Variants in GNAT3 observed in about 807,000 individuals in gnomAD.
GNAT3 encodes the protein guanine nucleotide-binding protein G(t) subunit alpha-3.
GNAT3 carries 31 observed loss-of-function variants against 37.7 expected under a neutral mutation model. The observed-to-expected ratio is 0.82, with a 90% CI of 0.62 to 1.11. The LOEUF is 1.11. GNAT3 is among the 50% of genes most tolerant of loss of function. The pLI is 0.00. For missense variants in GNAT3, 437 were observed against 412.5 expected (o/e 1.06, Z -0.51); for synonymous variants, 138 against 139.8 (o/e 0.99, Z 0.09).
intron 3 of GNAT3, among the ~76,000 whole-genome samples, chr7:80,484,553 T>C (rs537510116): frequency 6.6e-6 from 1 of 152,238 alleles, no homozygotes; most frequent in Admixed American, 6.5e-5. Context: ...AGTGTTACAA[T>C]TTTCAGCATT....
chr7:80,507,304 C>A (rs1191128561), intron 1 of GNAT3, among the ~76,000 whole-genome samples: 2 of 151,652 alleles, frequency 1.3e-5, no homozygotes, highest in East Asian at 3.9e-4. Context: ...TGGAATCTCT[C>A]CCACTCATAT....
intron 2 of GNAT3, among the ~76,000 whole-genome samples, chr7:80,492,049 A>T (rs1161771768): frequency 1.3e-5 from 2 of 151,920 alleles, no homozygotes; most frequent in Admixed American, 1.3e-4. Flanking sequence ...ATGTTCATGC[A>T]CCGGGCACAG....
intron 5 of GNAT3, among the ~76,000 whole-genome samples, chr7:80,465,950 G>A (rs1451678700): frequency 6.6e-6 from 1 of 152,068 alleles, no homozygotes; most frequent in African/African-American, 2.4e-5. Flanking sequence ...GGGGACCTGA[G>A]GGTAGAGTAT....
At chr7:80,495,910 T>TC (rs2116210611) in intron 1 of GNAT3, among the ~76,000 whole-genome samples, 1 of 152,350 alleles carries the variant, frequency 6.6e-6, no homozygotes, top group African/African-American at 2.4e-5. Context: ...TTTGCTTTTT[T>TC]CTCGTTGAGT....
chr7:80,494,157 A>T (rs1790668612), intron 2 of GNAT3, among the ~76,000 whole-genome samples: 1 of 152,186 alleles, frequency 6.6e-6, no homozygotes, highest in South Asian at 2.1e-4. Context: ...AAAAAGGAAA[A>T]AGTAGAGAAA....
chr7:80,497,515 A>G (rs1382039033), intron 1 of GNAT3, among the ~76,000 whole-genome samples: 1 of 151,252 alleles, frequency 6.6e-6, no homozygotes, highest in Non-Finnish European at 1.5e-5. Context: ...GAATATCAGA[A>G]TATCTTGTTT....
chr7:80,505,513 C>T (rs370169019), intron 1 of GNAT3, among the ~76,000 whole-genome samples: 3 of 152,198 alleles, frequency 2.0e-5, no homozygotes, highest in African/African-American at 7.2e-5. Context: ...ACTACAGGCG[C>T]CCGCCAACAC....
rs542245366 is a variant in GNAT3, at chr7:80,480,354, C to T, written c.304-1356G>A. Among the ~76,000 whole-genome samples, 16 of 152,184 alleles carry T rather than the reference C, an allele frequency of 1.1e-4. No individual in the cohort carries two copies. The South Asian group carries it at 1.5e-3, about 14-fold the overall frequency. ...AATCTAAAACTCAGAGTTTTAGAAA[C>T]GAGTAAACCAGTAAATACAATAAGT... On this transcript the variant is annotated intron_variant, in intron 3 of 7. Transcript: ENST00000398291.
chr7:80,469,710 A>G, intron 5 of GNAT3, among the ~76,000 whole-genome samples: 1 of 152,124 alleles, frequency 6.6e-6, no homozygotes, highest in South Asian at 2.1e-4. Context: ...ATACAAATCA[A>G]TGCTAATGTA....
chr7:80,495,453 GTTT>G (rs577094301), intron 1 of GNAT3, among the ~76,000 whole-genome samples: 10 of 142,666 alleles, frequency 7.0e-5, no homozygotes, highest in African/African-American at 2.6e-4. Flanking sequence ...TCTCACTGTA[GTTT>G]TTTTTTTTGG....
At chr7:80,473,082 G>A (rs576600342) in intron 5 of GNAT3, among the ~76,000 whole-genome samples, 1 of 152,290 alleles carries the variant, frequency 6.6e-6, no homozygotes, top group South Asian at 2.1e-4. Context: ...AAGGTGAGGA[G>A]TCTGAAGAAA....
At chr7:80,473,929 C>G (rs936061784) in intron 5 of GNAT3, among the ~76,000 whole-genome samples, 1 of 152,118 alleles carries the variant, frequency 6.6e-6, no homozygotes, top group Non-Finnish European at 1.5e-5. Flanking sequence ...GCACCCATTT[C>G]TTGTATGTTA....
At chr7:80,475,813 G>A (rs1005494062) in intron 4 of GNAT3, among the ~76,000 whole-genome samples, 5 of 151,906 alleles carry the variant, frequency 3.3e-5, no homozygotes, top group Admixed American at 6.6e-5. Context: ...AAGGGATTTC[G>A]GCCGAGAGTA....
rs1413281589 is a variant in GNAT3 at position 80,494,605 on chromosome 7, T to C, written c.161A>G (p.Lys54Arg). The C allele has an allele frequency of 1.3e-6, 2 of 1,499,746 alleles. No individual in the cohort carries two copies. The highest frequency in any genetic ancestry group is 2.4e-5 in the South Asian group (2 of 83,682). The allele number at this position is 1,499,746 out of a possible 1,614,324, so 92.9% of individuals were successfully genotyped here. A position where few individuals can be genotyped will look rare whatever the true frequency, so the allele number is the denominator to read the frequency against. ...ACACTTGAGACAGATGTATACCTACTTCATTTGTTTAACAATAGTACTTTT... is the reference window on the plus strand; with the variant it reads ...ACACTTGAGACAGATGTATACCTACCTCATTTGTTTAACAATAGTACTTTT... ...SGKSTIVKQM[K>R]IIHKNGYSEQ... The change falls in exon 2 of 8, where the codon AAG (lysine) becomes AGG (arginine). Residue 54 changes from lysine to arginine, a missense_variant and splice_region_variant. Physicochemically the swap from Lys to Arg is conservative, Grantham distance 26. Coordinates refer to ENST00000398291, the MANE Select transcript of GNAT3 (RefSeq NM_001102386.3).
intron 1 of GNAT3, among the ~76,000 whole-genome samples, chr7:80,511,192 G>A (rs1049223633): frequency 6.6e-6 from 1 of 152,138 alleles, no homozygotes; most frequent in Admixed American, 6.5e-5. Context: ...AAAAATAAAA[G>A]AGACATAAAT....
At position 80,494,886 on chromosome 7, in the gene GNAT3, A is replaced by G. The variant is rs1289121298; in HGVS notation, c.119-239T>C. On this transcript the variant is annotated intron_variant, in intron 1 of 7. Coordinates refer to ENST00000398291, the MANE Select transcript of GNAT3 (RefSeq NM_001102386.3). Reference sequence around the variant, plus strand: ...TTTTTTCATTCCTCACCTCCCTCTCATGCTCTCACTTTTCCAAGTCTCCAG... The same window carrying G: ...TTTTTTCATTCCTCACCTCCCTCTCGTGCTCTCACTTTTCCAAGTCTCCAG... Among the ~76,000 whole-genome samples the G allele has an allele frequency of 4.6e-5, 7 of 151,986 alleles. 1 individual carries two copies. The South Asian group carries it at 1.2e-3, about 27-fold the overall frequency.
chr7:80,476,890 TTTTG>T (rs1355304811), intron 4 of GNAT3, among the ~76,000 whole-genome samples: 1 of 152,038 alleles, frequency 6.6e-6, no homozygotes, highest in African/African-American at 2.4e-5. Context: ...TATTATTACT[TTTTG>T]TTTATGTATG....
intron 3 of GNAT3, chr7:80,487,821 T>A (rs879922461): frequency 6.6e-6 from 1 of 152,178 alleles, no homozygotes; most frequent in Non-Finnish European, 1.5e-5. Context: ...TACTCTTTTT[T>A]TTGGGTGGGG....
intron 5 of GNAT3, among the ~76,000 whole-genome samples, chr7:80,465,677 G>T (rs117699687): frequency 6.6e-6 from 1 of 152,208 alleles, no homozygotes; most frequent in Non-Finnish European, 1.5e-5. Flanking sequence ...CTAGTGGACA[G>T]AAATTATCTT....
Sources: gnomAD v4.1 joint callset for allele counts (sites outside exome capture counted in the v4.1 genomes callset) on GRCh38, gnomAD v4.1.1 for gene constraint, MANE v1.5 for transcripts, NCBI Gene and HGNC (gene_info 2026-07-23, HGNC 2026-07-21) for gene names.